NRXN1: variants seen among roughly 807,000 people sequenced by gnomAD.
NRXN1 encodes neurexin 1, also known as neurexin-1.
NRXN1 carries 39 observed loss-of-function variants against 150.9 expected under a neutral mutation model. That is an observed-to-expected ratio of 0.26 (90% confidence interval 0.20 to 0.34). The LOEUF (loss-of-function observed/expected upper bound fraction) is 0.34. Among genes scored for constraint, NRXN1 ranks in the 10% least tolerant of loss-of-function variants. The pLI, the probability that NRXN1 is intolerant of heterozygous loss-of-function variation, is 1.00. For synonymous variants in NRXN1, 924 were observed against 757.0 expected (o/e 1.22, Z -3.62); for missense variants, 1,815 against 1,949.9 (o/e 0.93, Z 1.30).
At chr2:50,585,425 G>T (rs555653066) in intron 8 of NRXN1, among the ~76,000 whole-genome samples, 1 of 152,002 alleles carries the variant, frequency 6.6e-6, no homozygotes, top group East Asian at 1.9e-4. Flanking sequence ...TTTGCAAGAT[G>T]AAAAAGTTTT....
At chr2:50,688,506 A>G (rs1469156) in intron 5 of NRXN1, among the ~76,000 whole-genome samples, 81,732 of 151,864 alleles carry the variant, frequency 0.54, 22,620 homozygotes, top group East Asian at 0.82. Flanking sequence ...AGAGTGGTGC[A>G]GGACTGGGTG....
chr2:50,389,794 A>G (rs530330401), intron 17 of NRXN1, among the ~76,000 whole-genome samples: 83 of 152,290 alleles, frequency 5.5e-4, no homozygotes, highest in African/African-American at 1.9e-3. Context: ...AGTAACTGGA[A>G]TGTAGTGGAT....
At chr2:50,714,697 C>T (rs933132385) in intron 5 of NRXN1, among the ~76,000 whole-genome samples, 3 of 152,106 alleles carry the variant, frequency 2.0e-5, no homozygotes, top group Admixed American at 1.3e-4. Context: ...TATCTTCTGA[C>T]GTGTGCTAAA....
intron 18 of NRXN1, among the ~76,000 whole-genome samples, chr2:50,198,796 TTTCTTG>T (rs2152830946): frequency 6.6e-6 from 1 of 152,270 alleles, no homozygotes; most frequent in African/African-American, 2.4e-5. Flanking sequence ...TATTGCATGG[TTTCTTG>T]TACTCTGCAA....
At chr2:51,002,602 T>C (rs1010715488) in intron 2 of NRXN1, among the ~76,000 whole-genome samples, 4 of 151,854 alleles carry the variant, frequency 2.6e-5, no homozygotes, top group Non-Finnish European at 5.9e-5. Context: ...AGGAAGGAAG[T>C]TCCCCCATCA....
intron 21 of NRXN1, chr2:49,970,348 T>C (rs1182931272): frequency 1.3e-5 from 2 of 152,066 alleles, no homozygotes; most frequent in Non-Finnish European, 2.9e-5. Context: ...TGGAAACGGG[T>C]AGTGATAATA....
chr2:50,635,981 T>C (rs1330548490), intron 5 of NRXN1, among the ~76,000 whole-genome samples: 1 of 152,188 alleles, frequency 6.6e-6, no homozygotes, highest in Non-Finnish European at 1.5e-5. Flanking sequence ...GATATTATGA[T>C]CATTATTATT....
chr2:50,098,858 T>G (rs9677098), intron 18 of NRXN1, among the ~76,000 whole-genome samples: 12 of 29,144 alleles, frequency 4.1e-4, no homozygotes, highest in African/African-American at 1.2e-3. Flanking sequence ...TTTTTTTTTT[T>G]TTTTTTTTTT....
At chr2:50,331,111 A>G (rs2076808505) in intron 17 of NRXN1, among the ~76,000 whole-genome samples, 1 of 152,178 alleles carries the variant, frequency 6.6e-6, no homozygotes, top group African/African-American at 2.4e-5. Context: ...AAAAGATTTA[A>G]TGTTGAAAAA....
intron 18 of NRXN1, chr2:50,174,879 CATA>C (rs2060255762): frequency 6.6e-6 from 1 of 152,082 alleles, no homozygotes; most frequent in East Asian, 1.9e-4. Context: ...TTTAAAAAAT[CATA>C]ATAATAACCA....
intron 5 of NRXN1, chr2:50,912,125 T>C (rs1264374822): frequency 6.6e-6 from 1 of 151,884 alleles, no homozygotes; most frequent in Non-Finnish European, 1.5e-5. Context: ...GAAGATTAAG[T>C]CCTCAGCTTT....
chr2:50,150,782 A>G (rs2058651412), intron 18 of NRXN1, among the ~76,000 whole-genome samples: 2 of 151,672 alleles, frequency 1.3e-5, no homozygotes, highest in South Asian at 4.1e-4. Context: ...GCCCATAGGG[A>G]TTGCTATGTT....
intron 16 of NRXN1, among the ~76,000 whole-genome samples, chr2:50,468,813 G>A (rs969944260): frequency 2.6e-5 from 4 of 151,380 alleles, no homozygotes; most frequent in African/African-American, 9.7e-5. Flanking sequence ...ATTGTATAGA[G>A]TCTTGATGAT....
intron 2 of NRXN1, among the ~76,000 whole-genome samples, chr2:50,929,982 CA>C (rs1687502952): frequency 6.6e-6 from 1 of 151,962 alleles, no homozygotes; most frequent in Non-Finnish European, 1.5e-5. Flanking sequence ...AGACGATGTT[CA>C]AAGAGAAAAT....
intron 5 of NRXN1, among the ~76,000 whole-genome samples, chr2:50,678,159 G>A (rs1183290798): frequency 2.6e-5 from 4 of 152,064 alleles, no homozygotes; most frequent in Non-Finnish European, 4.4e-5. Flanking sequence ...ATTTTATCAA[G>A]TCACCATTCT....
At chr2:51,015,765 G>C (rs995351636) in intron 2 of NRXN1, among the ~76,000 whole-genome samples, 7 of 151,964 alleles carry the variant, frequency 4.6e-5, no homozygotes, top group Admixed American at 3.9e-4. Flanking sequence ...GAACAGGACA[G>C]AGGAAAAGAA....
At chr2:50,929,774 A>C (rs2104378974) in intron 2 of NRXN1, among the ~76,000 whole-genome samples, 1 of 152,186 alleles carries the variant, frequency 6.6e-6, no homozygotes, top group African/African-American at 2.4e-5. Context: ...TTGGAGATCA[A>C]ATGCCAGTAC....
At chr2:51,030,058 T>C (rs1204050095) in intron 1 of NRXN1, among the ~76,000 whole-genome samples, 2 of 152,152 alleles carry the variant, frequency 1.3e-5, no homozygotes, top group Non-Finnish European at 1.5e-5. Context: ...CTTCTCTTTA[T>C]TCAACTCTAA....
At chr2:50,483,526 T>C (rs2090635991) in intron 15 of NRXN1, among the ~76,000 whole-genome samples, 1 of 152,166 alleles carries the variant, frequency 6.6e-6, no homozygotes. Flanking sequence ...CCCTTTCTCG[T>C]AACACTTTCA....
Sources: gnomAD v4.1 joint callset for allele counts (sites outside exome capture counted in the v4.1 genomes callset) on GRCh38, gnomAD v4.1.1 for gene constraint, MANE v1.5 for transcripts, NCBI Gene and HGNC (gene_info 2026-07-23, HGNC 2026-07-21) for gene names.